The following RANBP2 variants were observed in gnomAD, a reference collection of about 807,000 sequenced individuals.
RANBP2 encodes E3 SUMO-protein ligase RanBP2.
Under a neutral mutation model 303.6 loss-of-function variants are expected in RANBP2, and 57 were observed. The ratio of observed to expected loss-of-function variants is 0.19; its 90% CI spans 0.15 to 0.23. RANBP2 has a LOEUF of 0.23. Ranked by LOEUF, RANBP2 falls within the 10% of genes least tolerant of loss-of-function variation. RANBP2 has a pLI of 1.00. For missense variants in RANBP2, 3,138 were observed against 3,780.8 expected (o/e 0.83, Z 4.46); for synonymous variants, 1,167 against 1,301.5 (o/e 0.90, Z 2.23).
At chr2:109,338,557 CTTTTTA>C in the RANBP2 span, among the ~76,000 whole-genome samples, 1 of 151,950 alleles carries the variant, frequency 6.6e-6, no homozygotes, top group Non-Finnish European at 1.5e-5. Flanking sequence ...CTGTGTGTAA[CTTTTTA>C]TTTTTATTTT....
At chr2:109,639,734 G>A in the RANBP2 span, among the ~76,000 whole-genome samples, 60,420 of 149,854 alleles carry the variant, frequency 0.4, 12,292 homozygotes, top group Admixed American at 0.45. Flanking sequence ...TTTTTTTGAG[G>A]CAGAGTCTCA....
the RANBP2 span, among the ~76,000 whole-genome samples, chr2:109,216,387 C>T: frequency 6.6e-6 from 1 of 152,346 alleles, no homozygotes; most frequent in Admixed American, 6.5e-5. Context: ...CCAAAACCAC[C>T]CTCTGTGTTA....
At chr2:109,125,205 T>C in the RANBP2 span, among the ~76,000 whole-genome samples, 1 of 151,986 alleles carries the variant, frequency 6.6e-6, no homozygotes. Flanking sequence ...TCTCGGTGCT[T>C]CCTCTGCCCA....
the RANBP2 span, among the ~76,000 whole-genome samples, chr2:109,604,497 C>T: frequency 1.3e-5 from 2 of 150,844 alleles, no homozygotes; most frequent in African/African-American, 4.9e-5. Flanking sequence ...GAGGCCGAGG[C>T]GGGTGGGATC....
the RANBP2 span, chr2:109,614,387 T>C: frequency 2.1e-6 from 2 of 933,568 alleles, no homozygotes; most frequent in Non-Finnish European, 1.4e-6. Flanking sequence ...GGCAGCCCGC[T>C]GAGCCCGCCA....
At chr2:109,627,238 C>T in the RANBP2 span, among the ~76,000 whole-genome samples, 1 of 152,144 alleles carries the variant, frequency 6.6e-6, no homozygotes, top group African/African-American at 2.4e-5. Flanking sequence ...GCTCTGTCAC[C>T]CAGGGTAGAG....
chr2:108,879,917 A>G, the RANBP2 span, among the ~76,000 whole-genome samples: 2 of 152,206 alleles, frequency 1.3e-5, no homozygotes, highest in Non-Finnish European at 2.9e-5. Context: ...ACAATGTAAA[A>G]TAGAAGATTT....
At chr2:108,740,432 A>T (rs995198613) in intron 6 of RANBP2, 57 bp from the exon 7 acceptor site, 37 of 1,595,922 alleles carry the variant, frequency 2.3e-5, no homozygotes, top group Non-Finnish European at 3.1e-5. Context: ...TAAATAAACC[A>T]TGATTATTCA....
chr2:109,601,859 C>T, the RANBP2 span, among the ~76,000 whole-genome samples: 228 of 151,916 alleles, frequency 1.5e-3, 1 homozygote, highest in South Asian at 6.1e-3. Flanking sequence ...CTGTATGAGT[C>T]AAGGAAATAT....
intron 1 of RANBP2, among the ~76,000 whole-genome samples, chr2:108,724,167 T>C (rs1024019028): frequency 2.0e-5 from 3 of 152,136 alleles, no homozygotes; most frequent in Non-Finnish European, 4.4e-5. Context: ...TTTTTGTTTG[T>C]TTGTTTTTGT....
the RANBP2 span, among the ~76,000 whole-genome samples, chr2:109,411,706 A>C: frequency 6.6e-6 from 1 of 152,070 alleles, no homozygotes; most frequent in Non-Finnish European, 1.5e-5. Context: ...ACCACACCAC[A>C]CACCCATGCT....
the RANBP2 span, among the ~76,000 whole-genome samples, chr2:109,440,800 CCT>C: frequency 5.3e-5 from 8 of 152,026 alleles, no homozygotes; most frequent in Admixed American, 5.2e-4. Context: ...CAGAGCACGC[CCT>C]GAGATCTTCA....
chr2:109,350,569 C>T, the RANBP2 span, among the ~76,000 whole-genome samples: 1 of 152,200 alleles, frequency 6.6e-6, no homozygotes, highest in Admixed American at 6.5e-5. Context: ...CCTGTTCTGT[C>T]CTGTTGCATC....
chr2:108,793,599 G>A, the RANBP2 span, among the ~76,000 whole-genome samples: 1 of 150,502 alleles, frequency 6.6e-6, no homozygotes, highest in Non-Finnish European at 1.5e-5. Flanking sequence ...TTTTTGTTTT[G>A]TTTTGTTTTT....
chr2:109,241,068 A>G, the RANBP2 span, among the ~76,000 whole-genome samples: 2 of 152,336 alleles, frequency 1.3e-5, no homozygotes, highest in East Asian at 1.9e-4. Flanking sequence ...TATGTTTAAA[A>G]TAAGTGGCCT....
chr2:108,960,903 C>T, the RANBP2 span, among the ~76,000 whole-genome samples: 1 of 152,208 alleles, frequency 6.6e-6, no homozygotes, highest in Admixed American at 6.5e-5. Context: ...CCAAGAGTAT[C>T]CCCTAAGGCT....
the RANBP2 span, among the ~76,000 whole-genome samples, chr2:108,922,825 G>A: frequency 1.4e-4 from 21 of 152,040 alleles, no homozygotes; most frequent in Admixed American, 9.8e-4. Flanking sequence ...CTGGCCCTTC[G>A]TCATAAACAG....
the RANBP2 span, among the ~76,000 whole-genome samples, chr2:109,181,925 T>C: frequency 1.3e-5 from 2 of 152,200 alleles, no homozygotes; most frequent in Non-Finnish European, 2.9e-5. Flanking sequence ...GTAGTTATAT[T>C]GCCATGGCTG....
chr2:109,544,431 G>A, the RANBP2 span: 2 of 1,401,200 alleles, frequency 1.4e-6, no homozygotes, highest in Non-Finnish European at 1.8e-6. Flanking sequence ...ATGGGACTTT[G>A]AAAAAGAAAA....
Sources: gnomAD v4.1 joint callset for allele counts (sites outside exome capture counted in the v4.1 genomes callset) on GRCh38, gnomAD v4.1.1 for gene constraint, MANE v1.5 for transcripts, NCBI Gene and HGNC (gene_info 2026-07-23, HGNC 2026-07-21) for gene names.